The following OR1J2 variants were observed in gnomAD, a reference collection of about 807,000 sequenced individuals.
OR1J2 encodes olfactory receptor family 1 subfamily J member 2.
For synonymous variants in OR1J2, 142 were observed against 99.7 expected (o/e 1.42, Z -2.52); for missense variants, 304 against 246.1 (o/e 1.24, Z -1.57).
At chr9:122,508,389 T>C (rs1371120437), upstream of OR1J2, among the ~76,000 whole-genome samples, 2 of 152,180 alleles carry the variant, frequency 1.3e-5, no homozygotes, top group Non-Finnish European at 2.9e-5. Context: ...TGCCACCGAC[T>C]TGTCTTCTGC....
chr9:122,554,648 C>T, the OR1J2 span, among the ~76,000 whole-genome samples: 6 of 152,160 alleles, frequency 3.9e-5, no homozygotes, highest in African/African-American at 9.7e-5. Flanking sequence ...TTATGCCTAT[C>T]GACTCCCTTT....
At chr9:122,501,002 A>G in the OR1J2 span, among the ~76,000 whole-genome samples, 4 of 152,192 alleles carry the variant, frequency 2.6e-5, no homozygotes, top group Admixed American at 6.5e-5. Flanking sequence ...TGAAAAACAT[A>G]ATTTTTGAAA....
the OR1J2 span, among the ~76,000 whole-genome samples, chr9:122,563,324 C>G: frequency 6.6e-6 from 1 of 151,862 alleles, no homozygotes; most frequent in Admixed American, 6.6e-5. Flanking sequence ...TTGTATATTT[C>G]ATTGTGATTT....
upstream of OR1J2, among the ~76,000 whole-genome samples, chr9:122,506,469 T>A (rs1046358833): frequency 6.6e-6 from 1 of 152,156 alleles, no homozygotes; most frequent in Admixed American, 6.5e-5. Context: ...TAAACAGGAA[T>A]GAGTTTGTAC....
At chr9:122,479,481 G>C in the OR1J2 span, among the ~76,000 whole-genome samples, 1 of 152,090 alleles carries the variant, frequency 6.6e-6, no homozygotes, top group Non-Finnish European at 1.5e-5. Flanking sequence ...TATATCAAAG[G>C]TACTGACTGA....
At chr9:122,538,055 T>C in the OR1J2 span, among the ~76,000 whole-genome samples, 182 of 152,252 alleles carry the variant, frequency 1.2e-3, 1 homozygote, top group African/African-American at 4.2e-3. Context: ...GGATGGAATT[T>C]TCCATTGTGG....
the OR1J2 span, among the ~76,000 whole-genome samples, chr9:122,497,424 C>G: frequency 2.0e-5 from 3 of 152,182 alleles, no homozygotes; most frequent in Non-Finnish European, 4.4e-5. Flanking sequence ...AGGAATTTAT[C>G]TATTTCCTCT....
the OR1J2 span, among the ~76,000 whole-genome samples, chr9:122,469,676 A>G: frequency 0.023 from 3,513 of 152,354 alleles, 65 homozygotes; most frequent in Non-Finnish European, 0.032. Context: ...AATGTGGGAA[A>G]GTTTGGAACT....
At chr9:122,458,293 CTACTT>C in the OR1J2 span, among the ~76,000 whole-genome samples, 6 of 152,178 alleles carry the variant, frequency 3.9e-5, no homozygotes, top group East Asian at 5.8e-4. Flanking sequence ...TTTCTTTTAA[CTACTT>C]TAATGATTTT....
the OR1J2 span, among the ~76,000 whole-genome samples, chr9:122,497,467 G>A: frequency 1.9e-4 from 29 of 152,262 alleles, no homozygotes; most frequent in African/African-American, 4.6e-4. Context: ...AGAGGTATTC[G>A]TAATAGTCCC....
chr9:122,462,028 C>T, the OR1J2 span, among the ~76,000 whole-genome samples: 1 of 152,222 alleles, frequency 6.6e-6, no homozygotes, highest in East Asian at 1.9e-4. Flanking sequence ...TAAATTCCCC[C>T]ACTATTACTG....
the OR1J2 span, among the ~76,000 whole-genome samples, chr9:122,551,106 C>G: frequency 1.3e-5 from 2 of 152,146 alleles, no homozygotes; most frequent in Non-Finnish European, 2.9e-5. Flanking sequence ...CATTTCTACA[C>G]ACTAATAACA....
chr9:122,457,320 G>T, the OR1J2 span, among the ~76,000 whole-genome samples: 1 of 152,116 alleles, frequency 6.6e-6, no homozygotes, highest in South Asian at 2.1e-4. Context: ...AAACCACCAT[G>T]GCACACGTTT....
the OR1J2 span, among the ~76,000 whole-genome samples, chr9:122,491,362 A>G: frequency 3.3e-5 from 5 of 152,020 alleles, no homozygotes; most frequent in Admixed American, 2.6e-4. Context: ...ATAGAGGAGG[A>G]TGAGATTGCC....
the OR1J2 span, among the ~76,000 whole-genome samples, chr9:122,491,323 A>G: frequency 6.6e-6 from 1 of 152,084 alleles, no homozygotes; most frequent in Non-Finnish European, 1.5e-5. Context: ...TATATTTTGG[A>G]TAGAGATAGA....
At chr9:122,566,573 T>C in the OR1J2 span, among the ~76,000 whole-genome samples, 2 of 152,212 alleles carry the variant, frequency 1.3e-5, no homozygotes, top group Non-Finnish European at 2.9e-5. Flanking sequence ...AGTTACACTT[T>C]ATGGAATTAG....
chr9:122,530,071 T>C, the OR1J2 span, among the ~76,000 whole-genome samples: 3 of 152,144 alleles, frequency 2.0e-5, no homozygotes, highest in Non-Finnish European at 4.4e-5. Flanking sequence ...AAACCAAGAT[T>C]AAAAATATAT....
chr9:122,452,306 A>G, the OR1J2 span, among the ~76,000 whole-genome samples: 28 of 152,326 alleles, frequency 1.8e-4, no homozygotes, highest in East Asian at 4.4e-3. Context: ...TACCAATTGT[A>G]TCACAGAGTC....
At chr9:122,479,340 C>A in the OR1J2 span, among the ~76,000 whole-genome samples, 5 of 152,242 alleles carry the variant, frequency 3.3e-5, no homozygotes, top group Admixed American at 3.3e-4. Context: ...CTGTGTCAAG[C>A]CAGAGTAAGT....
Sources: allele counts gnomAD v4.1 joint callset (sites outside exome capture counted in the v4.1 genomes callset), GRCh38; gene constraint gnomAD v4.1.1; transcripts MANE v1.5; gene names NCBI Gene and HGNC (gene_info 2026-07-23, HGNC 2026-07-21).